TEAD4: variants seen among roughly 807,000 people sequenced by gnomAD.
The protein encoded by TEAD4 is transcriptional enhancer factor TEF-3.
A neutral mutation model predicts 52.4 loss-of-function variants in TEAD4; 36 were observed. The observed-to-expected ratio is 0.69, with a 90% CI of 0.53 to 0.91. TEAD4 has a LOEUF of 0.91. Ranked by LOEUF, TEAD4 falls within the 40% of genes least tolerant of loss-of-function variation. TEAD4 has a pLI of 0.00. For synonymous variants in TEAD4, 220 were observed against 231.0 expected (o/e 0.95, Z 0.43); for missense variants, 508 against 583.9 (o/e 0.87, Z 1.34).
At chr12:2,995,259 C>T (rs1413841258) in intron 3 of TEAD4, among the ~76,000 whole-genome samples, 2 of 152,064 alleles carry the variant, frequency 1.3e-5, no homozygotes, top group Admixed American at 6.5e-5. Flanking sequence ...GGTAGAACAT[C>T]CCCCCAGAGC....
Position 3,020,687 on chromosome 12 carries a change from C to G in TEAD4, c.637C>G (p.Pro213Ala). ...ATCGCCCTCTGCGCCCCCGGCACCCCCATGGCAGGGCCGCAGCGTGGCCAG... is the reference window on the plus strand; with the variant it reads ...ATCGCCCTCTGCGCCCCCGGCACCCGCATGGCAGGGCCGCAGCGTGGCCAG... Residue 213 changes from proline (P) to alanine (A), a missense_variant, in exon 9 of 13, where the codon CCA (proline) becomes GCA (alanine). Transcript: ENST00000359864. 6.2e-7 allele frequency: 1 copy of G among 1,607,824 alleles called. No individual in the cohort carries two copies. Among genetic ancestry groups the G allele is most frequent in the Non-Finnish European group, 8.5e-7 (1 of 1,176,998 alleles).
At position 3,012,707 on chromosome 12, in the gene TEAD4, C is replaced by T. The variant is rs1051630567; in HGVS notation, c.354+475C>T. On this transcript the variant is annotated intron_variant, in intron 5 of 12. Coordinates refer to ENST00000359864, the MANE Select transcript of TEAD4 (RefSeq NM_003213.4). ...TTCCTTCCCTTCCCTGGGTCAGCCCCGTCTTGCAGGGCCTCTGCTGATAGG... is the reference window on the plus strand; with the variant it reads ...TTCCTTCCCTTCCCTGGGTCAGCCCTGTCTTGCAGGGCCTCTGCTGATAGG... Among the ~76,000 whole-genome samples, 7 of 152,270 alleles carry T rather than the reference C, an allele frequency of 4.6e-5. 1 individual carries two copies. The South Asian group carries it at 6.2e-4, about 14-fold the overall frequency.
intron 2 of TEAD4, among the ~76,000 whole-genome samples, chr12:2,972,748 G>A (rs1042408347): frequency 6.6e-6 from 1 of 151,996 alleles, no homozygotes. Flanking sequence ...TGATCCGCCC[G>A]CCTCGGCCTC....
intron 3 of TEAD4, among the ~76,000 whole-genome samples, chr12:3,001,654 G>A (rs906437396): frequency 2.0e-5 from 3 of 151,812 alleles, no homozygotes; most frequent in Non-Finnish European, 2.9e-5. Flanking sequence ...GTGTGCATCT[G>A]TAGTCCCAGC....
intron 2 of TEAD4, among the ~76,000 whole-genome samples, chr12:2,977,144 A>G (rs901298979): frequency 6.6e-6 from 1 of 152,142 alleles, no homozygotes; most frequent in Non-Finnish European, 1.5e-5. Context: ...TTGAGATTGC[A>G]CTGGTGCCTC....
At chr12:3,038,259 TC>T in intron 11 of TEAD4, 151 bp downstream of exon 11, 1 of 1,018,576 alleles carries the variant, frequency 9.8e-7, no homozygotes, top group Non-Finnish European at 1.4e-6. Context: ...GCTGTGTGCC[TC>T]CCACACTCCC....
chr12:2,992,744 T>G (rs752963734), intron 2 of TEAD4, among the ~76,000 whole-genome samples: 12 of 151,826 alleles, frequency 7.9e-5, no homozygotes, highest in Non-Finnish European at 1.3e-4. Flanking sequence ...GTGGCTGGGA[T>G]GGGGAGAAGT....
intron 11 of TEAD4, 116 bp from the exon 12 acceptor site, chr12:3,039,991 G>T: frequency 7.1e-7 from 1 of 1,409,774 alleles, no homozygotes; most frequent in African/African-American, 1.4e-5. Flanking sequence ...CTGGCTGGGG[G>T]TGACTCTTTT....
intron 4 of TEAD4, 132 bp from the exon 5 acceptor site, chr12:3,012,038 A>G: frequency 2.3e-6 from 2 of 852,110 alleles, no homozygotes; most frequent in Non-Finnish European, 3.7e-6. Flanking sequence ...CCACCAGTTG[A>G]CCCTTTCATT....
Position 2,994,649 on chromosome 12 carries a change from C to T in TEAD4, c.-29-89C>T, listed in dbSNP as rs895778997. 1.5e-5 allele frequency: 22 copies of T among 1,436,766 alleles called. No individual in the cohort carries two copies. In the Middle Eastern group the frequency reaches 7.7e-4, roughly 50 times the overall value. The allele number at this position is 1,436,766 out of a possible 1,614,324, so 89.0% of individuals were successfully genotyped here. A position where few individuals can be genotyped will look rare whatever the true frequency, so the allele number is the denominator to read the frequency against. ...CGCTTTGCTTCCTGAGCAACTGATT[C>T]GGGCTCTGGCACTCCCCGGAGTGCC... On this transcript the variant is annotated intron_variant, in intron 2 of 12. Coordinates refer to ENST00000359864, the MANE Select transcript of TEAD4 (RefSeq NM_003213.4). The surrounding 1 kb of genome is among the most constrained non-coding windows in gnomAD (Gnocchi z 4.7).
chr12:3,006,679 G>A (rs562052967), intron 3 of TEAD4, among the ~76,000 whole-genome samples: 10 of 151,742 alleles, frequency 6.6e-5, no homozygotes, highest in Non-Finnish European at 1.0e-4. Flanking sequence ...GCGAAACTCC[G>A]TCTCAAAAAA....
At chr12:3,038,999 C>G (rs1443453793) in intron 11 of TEAD4, among the ~76,000 whole-genome samples, 1 of 152,202 alleles carries the variant, frequency 6.6e-6, no homozygotes, top group African/African-American at 2.4e-5. Context: ...CTCTCCTCAC[C>G]CCTTCCCCAG....
At chr12:3,021,307 CTTTTTTT>C in intron 9 of TEAD4, among the ~76,000 whole-genome samples, 1 of 133,166 alleles carries the variant, frequency 7.5e-6, no homozygotes, top group African/African-American at 2.8e-5. Context: ...CTTCAAACTT[CTTTTTTT>C]TTTTTTTTTT....
intron 2 of TEAD4, among the ~76,000 whole-genome samples, chr12:2,982,578 C>T (rs984884219): frequency 2.6e-5 from 4 of 152,138 alleles, no homozygotes; most frequent in African/African-American, 9.7e-5. Context: ...CAGGGCGGTG[C>T]GTGGGAGGTT....
chr12:2,998,229 A>G (rs912985909), intron 3 of TEAD4, among the ~76,000 whole-genome samples: 6 of 152,152 alleles, frequency 3.9e-5, no homozygotes, highest in Non-Finnish European at 8.8e-5. Context: ...CATTCTGTTT[A>G]TCTGTTCATC....
intron 4 of TEAD4, among the ~76,000 whole-genome samples, chr12:3,011,322 C>T (rs2098260150): frequency 6.6e-6 from 1 of 152,178 alleles, no homozygotes; most frequent in South Asian, 2.1e-4. Context: ...CCTTCTCCTC[C>T]TGGGTTCAAG....
intron 10 of TEAD4, among the ~76,000 whole-genome samples, chr12:3,029,212 A>G (rs1030907147): frequency 4.8e-5 from 7 of 147,300 alleles, no homozygotes; most frequent in African/African-American, 1.5e-4. Context: ...GACTAGAGGC[A>G]TGCACTACTA....
At chr12:2,969,373 G>T (rs921009925) in intron 2 of TEAD4, among the ~76,000 whole-genome samples, 1 of 152,200 alleles carries the variant, frequency 6.6e-6, no homozygotes, top group African/African-American at 2.4e-5. Flanking sequence ...TTATATGAGG[G>T]ACTTGAGCAT....
chr12:2,981,561 C>G (rs914381398), intron 2 of TEAD4, among the ~76,000 whole-genome samples: 2 of 152,208 alleles, frequency 1.3e-5, no homozygotes, highest in Non-Finnish European at 2.9e-5. Flanking sequence ...TAGCACTTAC[C>G]TGTTTGCATG....
Sources: allele counts gnomAD v4.1 joint callset (sites outside exome capture counted in the v4.1 genomes callset), GRCh38; gene constraint gnomAD v4.1.1; non-coding constraint Gnocchi (gnomAD v3.1); transcripts MANE v1.5; gene names NCBI Gene and HGNC (gene_info 2026-07-23, HGNC 2026-07-21).